Variants in DYSF observed in about 807,000 individuals in gnomAD.
DYSF encodes the protein dysferlin.
DYSF carries 212 observed loss-of-function variants against 274.9 expected under a neutral mutation model. The ratio of observed to expected loss-of-function variants is 0.77; its 90% CI spans 0.69 to 0.86. DYSF has a LOEUF of 0.86. DYSF is among the 40% of genes least tolerant of loss of function. DYSF has a pLI of 0.00. For missense variants in DYSF, 2,666 were observed against 2,783.2 expected (o/e 0.96, Z 0.95); for synonymous variants, 1,091 against 1,078.7 (o/e 1.01, Z -0.22).
At chr2:71,541,017 G>A (rs530650182) in intron 17 of DYSF, among the ~76,000 whole-genome samples, 27 of 152,172 alleles carry the variant, frequency 1.8e-4, no homozygotes, top group Middle Eastern at 3.4e-3. Flanking sequence ...CCTATATTTC[G>A]AAATGCTGCC....
intron 23 of DYSF, 70 bp from the exon 24 acceptor site, chr2:71,563,988 T>G: frequency 6.2e-7 from 1 of 1,605,680 alleles, no homozygotes; most frequent in South Asian, 1.1e-5. Flanking sequence ...AGAGGTCAGC[T>G]CACGGTGTGG....
At chr2:71,506,298 C>A (rs1031064843) in intron 4 of DYSF, among the ~76,000 whole-genome samples, 19 of 152,290 alleles carry the variant, frequency 1.2e-4, no homozygotes, top group African/African-American at 4.3e-4. Context: ...GGAGGTCATT[C>A]GCCTTCAGTT....
intron 3 of DYSF, among the ~76,000 whole-genome samples, chr2:71,483,442 A>C (rs921722705): frequency 1.3e-5 from 2 of 152,190 alleles, no homozygotes; most frequent in African/African-American, 4.8e-5. Context: ...ACTTGAAGGC[A>C]GGGGTAGGCT....
In DYSF at chr2:71,590,570, C is replaced by T. The variant is rs114893667; in HGVS notation, c.3574+282C>T. ...CTCTGGAGGGTCCCTGCAGCCTCCT[C>T]CCTGACCTGCTCCTCCTTGATGCTT... is the stretch of plus-strand genomic sequence containing the variant. On this transcript the variant is annotated intron_variant, in intron 32 of 55. Transcript: ENST00000410020. Among the ~76,000 whole-genome samples the T allele has an allele frequency of 9.3e-3, 1,417 of 152,266 alleles. 27 individuals are homozygous for T. Among genetic ancestry groups the T allele is most frequent in the African/African-American group, 0.032 (1,349 of 41,562 alleles).
At chr2:71,618,435 GTGTGTGTGGTAGAGGTGGGGT>G (rs2093986579) in intron 40 of DYSF, among the ~76,000 whole-genome samples, 2 of 130,062 alleles carry the variant, frequency 1.5e-5, no homozygotes, top group African/African-American at 3.0e-5. Flanking sequence ...TAGAGGTGGG[GTGTGTGTGGTAGAGGTGGGGT>G]TGTGTGTGTG....
chr2:71,611,605 C>A lies in DYSF; in HGVS notation c.4200C>A (p.Ile1400=). 1 of 1,614,044 alleles carries A rather than the reference C, an allele frequency of 6.2e-7. No homozygotes were observed. The highest frequency in any genetic ancestry group is 1.3e-5 in the African/African-American group (1 of 75,036). The change falls in exon 38 of 56, where the codon ATC becomes ATA. Residue 1400 remains isoleucine (I), a synonymous_variant. Coordinates refer to ENST00000410020, the MANE Select transcript of DYSF (RefSeq NM_001130987.2). ...TCCGGAAGAACCCCAACTTTGACAT[C>A]TGCACCCTCTTCATGGAAGTGGTGA... ...RNLRKNPNFD[I]CTLFMEVMLP...
chr2:71,647,034 A>G (rs1296317365), intron 42 of DYSF, among the ~76,000 whole-genome samples: 1 of 152,178 alleles, frequency 6.6e-6, no homozygotes, highest in Non-Finnish European at 1.5e-5. Context: ...TAGAATAGTA[A>G]AGCTTAGAAA....
At chr2:71,506,566 G>A (rs1475577879) in intron 4 of DYSF, among the ~76,000 whole-genome samples, 2 of 152,164 alleles carry the variant, frequency 1.3e-5, no homozygotes, top group African/African-American at 4.8e-5. Flanking sequence ...CCCACTGGGA[G>A]CTCTAGGCCC....
intron 36 of DYSF, among the ~76,000 whole-genome samples, chr2:71,604,023 G>A (rs2093603638): frequency 6.6e-6 from 1 of 152,170 alleles, no homozygotes; most frequent in Admixed American, 6.5e-5. Context: ...CAAGCAGGCT[G>A]CAGGCTGAGG....
intron 51 of DYSF, among the ~76,000 whole-genome samples, chr2:71,670,761 C>T (rs2095105987): frequency 6.6e-6 from 1 of 152,224 alleles, no homozygotes; most frequent in Non-Finnish European, 1.5e-5. Context: ...CCTCAGAGAG[C>T]AGCCCCCAGA....
At chr2:71,650,121 A>G (rs1335196136) in intron 42 of DYSF, among the ~76,000 whole-genome samples, 1 of 152,204 alleles carries the variant, frequency 6.6e-6, no homozygotes, top group Non-Finnish European at 1.5e-5. Context: ...AGCAATGGAA[A>G]CACACTGGTT....
Position 71,513,868 on chromosome 2 carries a change from C to T in DYSF, c.706C>T (p.Arg236Ter), listed in dbSNP as rs373585652. Residue 236 changes from arginine to a stop codon, truncating the protein, a stop_gained, in exon 7 of 56, where the codon CGA becomes TGA. Coordinates refer to ENST00000410020, the MANE Select transcript of DYSF (RefSeq NM_001130987.2). LOFTEE classifies it high-confidence loss of function. ...CCACTACCCCGGGATCAAAAGAAAG[C>T]GAAGTGCGCCTACATCTAGAAAGCT... ...PPHYPGIKRK[R>*]SAPTSRKLLS... 10 of 1,614,088 alleles carry T rather than the reference C, an allele frequency of 6.2e-6. No homozygotes were observed. Among genetic ancestry groups the T allele is most frequent in the Admixed American group, 1.7e-5 (1 of 60,006 alleles).
In DYSF at chr2:71,611,575, G is replaced by A. The variant is rs746181078; in HGVS notation, c.4170G>A (p.Arg1390=). Residue 1390 remains arginine, a synonymous_variant, in exon 38 of 56, where the codon AGG becomes AGA. Coordinates refer to ENST00000410020, the MANE Select transcript of DYSF (RefSeq NM_001130987.2). The part of the protein sequence containing the change: ...GGQTVQSCVI[R]NLRKNPNFDI... ...AGACGGTGCAGTCCTGTGTCATCAGGAACCTCCGGAAGAACCCCAACTTTG... is the reference window on the plus strand; with the variant it reads ...AGACGGTGCAGTCCTGTGTCATCAGAAACCTCCGGAAGAACCCCAACTTTG... 2 of 1,614,142 alleles carry A rather than the reference G, an allele frequency of 1.2e-6. No homozygotes were observed. The highest frequency in any genetic ancestry group is 1.7e-6 in the Non-Finnish European group (2 of 1,180,030).
intron 3 of DYSF, among the ~76,000 whole-genome samples, chr2:71,489,203 C>T (rs369121861): frequency 2.0e-5 from 3 of 152,164 alleles, no homozygotes; most frequent in East Asian, 1.9e-4. Context: ...CTTGTTCCCC[C>T]GTGCTTCCTT....
At chr2:71,586,866 C>T (rs1263536183) in intron 30 of DYSF, among the ~76,000 whole-genome samples, 1 of 152,108 alleles carries the variant, frequency 6.6e-6, no homozygotes, top group Non-Finnish European at 1.5e-5. Context: ...GGGTGGGGCA[C>T]ATGTGTGTGG....
At chr2:71,648,978 G>A (rs1427666972) in intron 42 of DYSF, among the ~76,000 whole-genome samples, 6 of 152,004 alleles carry the variant, frequency 3.9e-5, no homozygotes, top group Non-Finnish European at 8.8e-5. Flanking sequence ...TGATTCCAAT[G>A]AGCCTGTCTT....
chr2:71,495,646 G>A (rs1289585409), intron 3 of DYSF, among the ~76,000 whole-genome samples: 2 of 152,214 alleles, frequency 1.3e-5, no homozygotes, highest in East Asian at 2.0e-4. Context: ...TTCAGTCTGA[G>A]CCGTACCCAC....
intron 4 of DYSF, among the ~76,000 whole-genome samples, chr2:71,508,661 A>G (rs1006689525): frequency 1.3e-5 from 2 of 152,166 alleles, no homozygotes; most frequent in African/African-American, 4.8e-5. Context: ...GTGCCCTATC[A>G]GGTGGGATGA....
chr2:71,628,556 A>G (rs2094252441), intron 41 of DYSF, among the ~76,000 whole-genome samples: 1 of 152,136 alleles, frequency 6.6e-6, no homozygotes, highest in Non-Finnish European at 1.5e-5. Context: ...TGGAAATAAT[A>G]GTTTCACTAA....
Sources: allele counts gnomAD v4.1 joint callset (sites outside exome capture counted in the v4.1 genomes callset), GRCh38; gene constraint gnomAD v4.1.1; transcripts MANE v1.5; gene names NCBI Gene and HGNC (gene_info 2026-07-23, HGNC 2026-07-21).